The following TENM1 variants were observed in gnomAD, a reference collection of about 807,000 sequenced individuals.
The protein encoded by TENM1 is teneurin-1.
TENM1 carries 35 observed loss-of-function variants against 174.8 expected under a neutral mutation model. The observed-to-expected ratio is 0.20, with a 90% CI of 0.15 to 0.27. The LOEUF (loss-of-function observed/expected upper bound fraction) is 0.27. TENM1 is among the 10% of genes least tolerant of loss of function. TENM1 has a pLI of 1.00. For synonymous variants in TENM1, 781 were observed against 798.7 expected (o/e 0.98, Z 0.37); for missense variants, 1,633 against 2,130.1 (o/e 0.77, Z 4.59).
intron 21 of TENM1, 119 bp downstream of exon 24, chrX:124,487,090 A>G (rs1207617406): frequency 1.4e-6 from 1 of 699,604 alleles, no homozygotes; most frequent in Non-Finnish European, 2.1e-6. Context: ...TTCCAAATTT[A>G]TGTTCACACT....
chrX:125,021,079 C>G, the TENM1 span, among the ~76,000 whole-genome samples: 1 of 108,408 alleles, frequency 9.2e-6, no homozygotes, highest in Non-Finnish European at 1.9e-5. Flanking sequence ...CTGGTTGATG[C>G]TATGAAAATT....
intron 4 of TENM1, among the ~76,000 whole-genome samples, chrX:124,730,401 C>T (rs1019294272): frequency 2.7e-5 from 3 of 111,432 alleles, no homozygotes; most frequent in African/African-American, 6.5e-5. Context: ...ATTAGGAACT[C>T]ATTTAATGCT....
intron 5 of TENM1, among the ~76,000 whole-genome samples, chrX:124,686,796 A>T (rs2052376281): frequency 8.9e-6 from 1 of 112,077 alleles, no homozygotes; most frequent in Non-Finnish European, 1.9e-5. Context: ...TATTTATGAC[A>T]AATCCACAGC....
At chrX:125,044,900 G>A in the TENM1 span, among the ~76,000 whole-genome samples, 1 of 111,485 alleles carries the variant, frequency 9.0e-6, no homozygotes, top group African/African-American at 3.3e-5. Flanking sequence ...GCCTGAGCAC[G>A]GGGCAGAGAG....
chrX:124,438,925 T>G (rs1364014417), intron 23 of TENM1, among the ~76,000 whole-genome samples: 2 of 112,255 alleles, frequency 1.8e-5, no homozygotes, highest in African/African-American at 3.2e-5. Flanking sequence ...ACTCTGCGGA[T>G]AGTCTCATTG....
At chrX:124,942,330 C>G (rs1323658142) in intron 1 of TENM1, among the ~76,000 whole-genome samples, 1 of 111,505 alleles carries the variant, frequency 9.0e-6, no homozygotes, top group Non-Finnish European at 1.9e-5. Context: ...TTTCACGCTT[C>G]TAATATATCC....
At chrX:124,551,745 C>A (rs1415124037) in intron 14 of TENM1, among the ~76,000 whole-genome samples, 2 of 111,915 alleles carry the variant, frequency 1.8e-5, no homozygotes, top group African/African-American at 3.2e-5. Flanking sequence ...GAAAGGTAAT[C>A]ATAATAAGCT....
chrX:124,829,115 C>T (rs888550913), intron 3 of TENM1, among the ~76,000 whole-genome samples: 1 of 111,823 alleles, frequency 8.9e-6, no homozygotes, highest in Non-Finnish European at 1.9e-5. Flanking sequence ...AACAAGGCAG[C>T]TATGCAGCCT....
intron 5 of TENM1, among the ~76,000 whole-genome samples, chrX:124,680,695 A>G (rs1180636255): frequency 1.8e-5 from 2 of 111,951 alleles, no homozygotes; most frequent in Non-Finnish European, 3.8e-5. Flanking sequence ...TGAATAACGT[A>G]GCAAAAATAT....
At chrX:124,767,097 C>T (rs2054553435) in intron 3 of TENM1, among the ~76,000 whole-genome samples, 1 of 111,579 alleles carries the variant, frequency 9.0e-6, no homozygotes, top group South Asian at 3.8e-4. Context: ...TATCTCTCTA[C>T]TCTGCATAAG....
chrX:125,171,980 TA>T, the TENM1 span, among the ~76,000 whole-genome samples: 7 of 111,440 alleles, frequency 6.3e-5, no homozygotes, highest in Non-Finnish European at 1.1e-4. Context: ...AAAATAGAGG[TA>T]AAAGGCATAG....
the TENM1 span, among the ~76,000 whole-genome samples, chrX:125,045,668 A>G: frequency 1.8e-5 from 2 of 111,917 alleles, no homozygotes; most frequent in African/African-American, 3.2e-5. Flanking sequence ...TAGGCATAAC[A>G]CTTCCCATGG....
the TENM1 span, among the ~76,000 whole-genome samples, chrX:125,142,420 G>A: frequency 1.8e-5 from 2 of 111,190 alleles, no homozygotes; most frequent in Non-Finnish European, 3.8e-5. Context: ...GGTTCTTGAA[G>A]GGTCACGGAG....
chrX:125,146,016 G>A, the TENM1 span, among the ~76,000 whole-genome samples: 2 of 111,854 alleles, frequency 1.8e-5, no homozygotes, highest in Admixed American at 1.9e-4. Context: ...AGTCTTACAT[G>A]TAAGTAGGAT....
intron 3 of TENM1, among the ~76,000 whole-genome samples, chrX:124,890,116 T>C (rs765234853): frequency 3.6e-5 from 4 of 112,605 alleles, no homozygotes; most frequent in African/African-American, 1.3e-4. Flanking sequence ...ATTTATATTT[T>C]ATTAAAGATT....
chrX:124,476,704 C>A (rs2046733774), intron 22 of TENM1, among the ~76,000 whole-genome samples: 1 of 112,177 alleles, frequency 8.9e-6, no homozygotes, highest in Admixed American at 9.5e-5. Flanking sequence ...TATTTTATAT[C>A]CCCACCTAGT....
chrX:124,665,135 C>T (rs1288790477), intron 6 of TENM1, among the ~76,000 whole-genome samples: 2 of 111,427 alleles, frequency 1.8e-5, no homozygotes, highest in African/African-American at 6.5e-5. Context: ...GTTGGGAGTT[C>T]GAGACCAGCC....
the TENM1 span, among the ~76,000 whole-genome samples, chrX:125,029,905 A>G: frequency 8.9e-6 from 1 of 112,021 alleles, no homozygotes; most frequent in Non-Finnish European, 1.9e-5. Flanking sequence ...AACTTTGGAT[A>G]TGGTAGATAT....
At chrX:124,819,138 T>G (rs1485839895) in intron 3 of TENM1, among the ~76,000 whole-genome samples, 2 of 111,996 alleles carry the variant, frequency 1.8e-5, no homozygotes, top group Non-Finnish European at 3.8e-5. Flanking sequence ...TAATTTAAAT[T>G]GACTATGTGT....
Sources: allele counts gnomAD v4.1 joint callset (sites outside exome capture counted in the v4.1 genomes callset), GRCh38; gene constraint gnomAD v4.1.1; transcripts MANE v1.5; gene names NCBI Gene and HGNC (gene_info 2026-07-23, HGNC 2026-07-21).